MALRD1: variants seen among roughly 807,000 people sequenced by gnomAD.
The protein encoded by MALRD1 is MAM and LDL receptor class A domain containing 1, also known as MAM and LDL-receptor class A domain-containing protein 1.
Under a neutral mutation model 242.1 loss-of-function variants are expected in MALRD1, and 247 were observed. The observed-to-expected ratio is 1.02, with a 90% confidence interval of 0.92 to 1.13. MALRD1 has a LOEUF of 1.13. Ranked by LOEUF, MALRD1 falls within the 50% of genes most tolerant of loss-of-function variation. The probability of loss-of-function intolerance (pLI) is 0.00; values close to 1 mark genes in which losing one functional copy is unlikely to be tolerated. For missense variants in MALRD1, 2,989 were observed against 2,533.1 expected (o/e 1.18, Z -3.86); for synonymous variants, 995 against 866.6 (o/e 1.15, Z -2.60).
intron 19 of MALRD1, 92 bp from the exon 20 acceptor site, chr10:19,279,955 C>T: frequency 1.0e-6 from 1 of 1,005,012 alleles, no homozygotes; most frequent in Middle Eastern, 2.2e-4. Context: ...TATTGTGGGG[C>T]ATATTTAGAA....
At position 19,734,189 on chromosome 10, in the gene MALRD1, T is replaced by C; in HGVS notation, c.6423T>C (p.Tyr2141=). Residue 2141 remains tyrosine, a synonymous_variant, in exon 40 of 40, where the codon TAT becomes TAC. Coordinates refer to ENST00000454679, the MANE Select transcript of MALRD1 (RefSeq NM_001142308.3). ...SSVYSFSNPL[Y]GTTSGSLETL... is the part of the protein sequence containing the mutation. Reference sequence around the variant, plus strand: ...TCTATTCCTTCTCAAACCCATTATATGGCACAACATCAGGAAGCCTGGAGA... The same window carrying C: ...TCTATTCCTTCTCAAACCCATTATACGGCACAACATCAGGAAGCCTGGAGA... The C allele has an allele frequency of 1.3e-6, 2 of 1,535,910 alleles. No individual in the cohort carries two copies. Among genetic ancestry groups the C allele is most frequent in the Non-Finnish European group, 1.7e-6 (2 of 1,146,776 alleles).
intron 5 of MALRD1, among the ~76,000 whole-genome samples, chr10:19,109,590 C>T (rs772747188): frequency 6.6e-6 from 1 of 152,186 alleles, no homozygotes; most frequent in Non-Finnish European, 1.5e-5. Flanking sequence ...TGGAATGCCT[C>T]CTGGCAATTT....
chr10:19,626,186 T>C (rs1244062697), intron 36 of MALRD1, among the ~76,000 whole-genome samples: 2 of 152,068 alleles, frequency 1.3e-5, no homozygotes, highest in Admixed American at 1.3e-4. Context: ...GTTGAATACG[T>C]TGGTGGACAT....
At chr10:19,700,339 G>A (rs970202402) in intron 38 of MALRD1, among the ~76,000 whole-genome samples, 1 of 152,084 alleles carries the variant, frequency 6.6e-6, no homozygotes, top group African/African-American at 2.4e-5. Flanking sequence ...TCTGCAACCT[G>A]CCATGAGGAA....
intron 32 of MALRD1, among the ~76,000 whole-genome samples, chr10:19,564,521 A>G (rs899463267): frequency 2.6e-5 from 4 of 152,064 alleles, no homozygotes; most frequent in African/African-American, 9.7e-5. Flanking sequence ...GTTATGCTAA[A>G]ATTATTACTT....
intron 31 of MALRD1, among the ~76,000 whole-genome samples, chr10:19,510,054 G>C (rs1307209209): frequency 6.6e-6 from 1 of 152,100 alleles, no homozygotes; most frequent in African/African-American, 2.4e-5. Flanking sequence ...GTGGAGAGAG[G>C]GTCAGCAGGA....
chr10:19,364,876 G>C (rs1845043241), intron 26 of MALRD1, among the ~76,000 whole-genome samples: 1 of 152,048 alleles, frequency 6.6e-6, no homozygotes, highest in Non-Finnish European at 1.5e-5. Context: ...TAATTCAATT[G>C]AGGATTCTTT....
At chr10:19,633,619 G>A (rs369104184) in intron 36 of MALRD1, 2 of 151,950 alleles carry the variant, frequency 1.3e-5, no homozygotes, top group Admixed American at 1.3e-4. Context: ...AGAAGTTGAG[G>A]AGACCCCAAA....
At chr10:19,382,794 A>C (rs568697625) in intron 26 of MALRD1, among the ~76,000 whole-genome samples, 2 of 152,288 alleles carry the variant, frequency 1.3e-5, no homozygotes, top group South Asian at 4.1e-4. Context: ...TTAACAACAT[A>C]GATACTTAAG....
intron 14 of MALRD1, among the ~76,000 whole-genome samples, chr10:19,197,233 C>G (rs1836305519): frequency 6.6e-6 from 1 of 152,154 alleles, no homozygotes; most frequent in South Asian, 2.1e-4. Context: ...GTCCCTCCCT[C>G]AACACGTGAG....
chr10:19,733,518 T>G (rs1347009434), intron 39 of MALRD1, among the ~76,000 whole-genome samples: 1 of 152,074 alleles, frequency 6.6e-6, no homozygotes, highest in Non-Finnish European at 1.5e-5. Flanking sequence ...AAAGGTTTTC[T>G]TTTGGGGTTT....
chr10:19,594,295 T>C (rs750538592), intron 33 of MALRD1, among the ~76,000 whole-genome samples: 5 of 152,174 alleles, frequency 3.3e-5, no homozygotes, highest in Non-Finnish European at 7.3e-5. Context: ...TTAAGAAATA[T>C]TGTACTGATA....
chr10:19,309,370 G>A (rs1288686575), intron 21 of MALRD1, among the ~76,000 whole-genome samples: 1 of 151,172 alleles, frequency 6.6e-6, no homozygotes, highest in Non-Finnish European at 1.5e-5. Flanking sequence ...AGATGGGAGG[G>A]AATTTTTACC....
intron 31 of MALRD1, among the ~76,000 whole-genome samples, chr10:19,517,053 G>A (rs1007828386): frequency 6.6e-6 from 1 of 152,160 alleles, no homozygotes; most frequent in African/African-American, 2.4e-5. Flanking sequence ...TTAGTTGACC[G>A]AGTAATTCCT....
At chr10:19,246,665 C>T (rs1020887929) in intron 18 of MALRD1, among the ~76,000 whole-genome samples, 3 of 152,194 alleles carry the variant, frequency 2.0e-5, no homozygotes, top group Non-Finnish European at 2.9e-5. Flanking sequence ...GAGGTGATTG[C>T]TTGAATATTT....
intron 26 of MALRD1, among the ~76,000 whole-genome samples, chr10:19,361,848 C>T (rs1311816759): frequency 6.6e-6 from 1 of 152,000 alleles, no homozygotes; most frequent in African/African-American, 2.4e-5. Context: ...CCTGACTAAC[C>T]CCAGTATTTC....
chr10:19,294,870 A>G (rs1841615696), intron 21 of MALRD1, among the ~76,000 whole-genome samples: 1 of 152,154 alleles, frequency 6.6e-6, no homozygotes, highest in African/African-American at 2.4e-5. Flanking sequence ...TACATTAACC[A>G]TAATCCTACT....
intron 31 of MALRD1, among the ~76,000 whole-genome samples, chr10:19,530,927 G>C (rs1260846095): frequency 6.6e-6 from 1 of 152,062 alleles, no homozygotes; most frequent in Non-Finnish European, 1.5e-5. Flanking sequence ...AGGAGAATAG[G>C]AATACACCTT....
chr10:19,418,737 A>G (rs1755169015), intron 28 of MALRD1, among the ~76,000 whole-genome samples: 2 of 152,230 alleles, frequency 1.3e-5, no homozygotes, highest in Non-Finnish European at 2.9e-5. Context: ...AATGGAAAAA[A>G]TATATATTTC....
Sources: allele counts gnomAD v4.1 joint callset (sites outside exome capture counted in the v4.1 genomes callset), GRCh38; gene constraint gnomAD v4.1.1; transcripts MANE v1.5; gene names NCBI Gene and HGNC (gene_info 2026-07-23, HGNC 2026-07-21).